Variants in IL1RAPL1 observed in about 807,000 individuals in gnomAD.
The protein encoded by IL1RAPL1 is interleukin-1 receptor accessory protein-like 1.
Under a neutral mutation model 48.4 loss-of-function variants are expected in IL1RAPL1, and 3 were observed. That is an observed-to-expected ratio of 0.06 (90% confidence interval 0.03 to 0.16). IL1RAPL1 has a LOEUF of 0.16. Ranked by LOEUF, IL1RAPL1 falls within the 10% of genes least tolerant of loss-of-function variation. The pLI, the probability that IL1RAPL1 is intolerant of heterozygous loss-of-function variation, is 1.00. For missense variants in IL1RAPL1, 349 were observed against 530.6 expected, an observed-to-expected ratio of 0.66 and a Z score of 3.36; for synonymous variants, 185 against 187.7, an observed-to-expected ratio of 0.99 and a Z score of 0.12.
At chrX:29,934,045 T>G (rs769181574) in intron 8 of IL1RAPL1, among the ~76,000 whole-genome samples, 1 of 103,610 alleles carries the variant, frequency 9.7e-6, no homozygotes, top group East Asian at 3.0e-4. Context: ...ATATGGTAAA[T>G]GAAAAAAAAA....
At chrX:28,939,045 C>A (rs973336266) in intron 2 of IL1RAPL1, among the ~76,000 whole-genome samples, 3 of 109,107 alleles carry the variant, frequency 2.7e-5, no homozygotes, top group African/African-American at 1.0e-4. Flanking sequence ...CAGATGCTGG[C>A]TGGTTGTAGA....
At chrX:28,876,838 G>A (rs2147311909) in intron 2 of IL1RAPL1, among the ~76,000 whole-genome samples, 1 of 110,440 alleles carries the variant, frequency 9.1e-6, no homozygotes, top group South Asian at 3.8e-4. Context: ...TATTCTCTCT[G>A]TCCTTTCACA....
chrX:29,839,585 A>G (rs1394683051), intron 6 of IL1RAPL1, among the ~76,000 whole-genome samples: 1 of 112,054 alleles, frequency 8.9e-6, no homozygotes, highest in Non-Finnish European at 1.9e-5. Context: ...GTATGTTTGC[A>G]TAATATACTT....
intron 3 of IL1RAPL1, among the ~76,000 whole-genome samples, chrX:29,320,089 G>T (rs1932793680): frequency 9.0e-6 from 1 of 111,494 alleles, no homozygotes; most frequent in South Asian, 3.7e-4. Context: ...TTTTGGTGTT[G>T]AGTACAAAGT....
chrX:28,859,130 T>C (rs1407837733), intron 2 of IL1RAPL1, among the ~76,000 whole-genome samples: 2 of 112,339 alleles, frequency 1.8e-5, no homozygotes, highest in African/African-American at 6.5e-5. Flanking sequence ...CAGTGTACCT[T>C]ATAGGTTAGA....
At chrX:29,858,667 G>T (rs748533444) in intron 6 of IL1RAPL1, among the ~76,000 whole-genome samples, 24 of 111,612 alleles carry the variant, frequency 2.2e-4, no homozygotes, top group Non-Finnish European at 4.0e-4. Context: ...AGTGATAATT[G>T]TTTACCCTGG....
intron 1 of IL1RAPL1, among the ~76,000 whole-genome samples, 177 bp downstream of exon 1, chrX:28,588,224 G>A (rs1394537658): frequency 9.4e-6 from 1 of 106,400 alleles, no homozygotes; most frequent in Non-Finnish European, 1.9e-5. Context: ...GTGTGTGTGT[G>A]TGTGTGTGTG....
intron 6 of IL1RAPL1, among the ~76,000 whole-genome samples, chrX:29,679,469 TGCTTATTGTATA>T (rs1380912306): frequency 8.9e-6 from 1 of 111,776 alleles, no homozygotes; most frequent in Non-Finnish European, 1.9e-5. Flanking sequence ...TTATGCACTC[TGCTTATTGTATA>T]GCCTATTTAT....
chrX:29,381,837 T>A (rs1466574167), intron 3 of IL1RAPL1, among the ~76,000 whole-genome samples: 29 of 33,198 alleles, frequency 8.7e-4, no homozygotes, highest in Non-Finnish European at 1.1e-3. Context: ...AAAAAAAATA[T>A]ATATATATAT....
At chrX:29,457,144 A>T (rs746551178) in intron 5 of IL1RAPL1, among the ~76,000 whole-genome samples, 5 of 109,821 alleles carry the variant, frequency 4.6e-5, no homozygotes, top group African/African-American at 1.7e-4. Flanking sequence ...AAAATAAAAT[A>T]AAATGAAATA....
At chrX:29,739,068 C>A (rs2147134330) in intron 6 of IL1RAPL1, among the ~76,000 whole-genome samples, 1 of 111,907 alleles carries the variant, frequency 8.9e-6, no homozygotes, top group South Asian at 3.7e-4. Context: ...CAGAGAAACC[C>A]AATTAGGTAA....
chrX:29,003,900 G>A lies in IL1RAPL1; in HGVS notation c.82+214475G>A, dbSNP rs199518884. Reference sequence around the variant, plus strand: ...CTCACACCTGTAATCCCAGCACTTTGGGCAGCCAAGGCAGCTGGATCACCT... The same window carrying A: ...CTCACACCTGTAATCCCAGCACTTTAGGCAGCCAAGGCAGCTGGATCACCT... On this transcript the variant is annotated intron_variant, in intron 2 of 10. Transcript: ENST00000378993. 8.9e-5 allele frequency among the ~76,000 whole-genome samples: 10 copies of A among 112,169 alleles called. No homozygotes were observed. The East Asian group carries it at 2.2e-3, about 25-fold the overall frequency.
intron 6 of IL1RAPL1, among the ~76,000 whole-genome samples, chrX:29,907,186 A>C (rs1450907744): frequency 9.0e-6 from 1 of 111,427 alleles, no homozygotes; most frequent in Non-Finnish European, 1.9e-5. Context: ...ATGCTATGCT[A>C]AGTGAGTTTT....
At chrX:28,939,950 C>G (rs762778250) in intron 2 of IL1RAPL1, among the ~76,000 whole-genome samples, 2 of 111,115 alleles carry the variant, frequency 1.8e-5, no homozygotes, top group South Asian at 7.5e-4. Flanking sequence ...ATTAATCAGC[C>G]CATCATAACT....
chrX:29,744,782 CAG>C (rs1928291975), intron 6 of IL1RAPL1, among the ~76,000 whole-genome samples: 1 of 111,811 alleles, frequency 8.9e-6, no homozygotes, highest in Non-Finnish European at 1.9e-5. Context: ...TCAAATCTGA[CAG>C]TATTTCTTGA....
intron 5 of IL1RAPL1, among the ~76,000 whole-genome samples, chrX:29,552,307 A>G (rs895771221): frequency 2.7e-5 from 3 of 111,030 alleles, no homozygotes; most frequent in African/African-American, 9.8e-5. Context: ...TTGTCAGTTA[A>G]TTTTCAGCAA....
intron 1 of IL1RAPL1, among the ~76,000 whole-genome samples, chrX:28,600,009 GAC>G (rs980561143): frequency 1.8e-5 from 2 of 111,666 alleles, no homozygotes. Flanking sequence ...ATGTTGGGAA[GAC>G]AGTTACTTGC....
rs1935839283 is a variant in IL1RAPL1 at position 28,737,121 on chromosome X, CCTTCCTTCCTTCCTTCCTTCCTTCCTT to C, written c.-24-52197_-24-52171del. ...TCTTTTCTTTTCTCTTCTTTTCCTT[CCTTCCTTCCTTCCTTCCTTCCTTCCTT>C]CCTTCCTTCCTTCCTTCCTTCCTTC... On this transcript the variant is annotated intron_variant, in intron 1 of 10. Transcript: ENST00000378993. Among the ~76,000 whole-genome samples the C allele has an allele frequency of 3.3e-3, 239 of 71,718 alleles. 6 individuals are homozygous for C. Among genetic ancestry groups the C allele is most frequent in the South Asian group, 0.022 (27 of 1,203 alleles). The allele number at this position is 71,718 out of a possible 115,157, so 62.3% of individuals were successfully genotyped here.
intron 6 of IL1RAPL1, among the ~76,000 whole-genome samples, chrX:29,711,976 G>A (rs1927364167): frequency 9.0e-6 from 1 of 111,056 alleles, no homozygotes; most frequent in Non-Finnish European, 1.9e-5. Flanking sequence ...TGAGGGCCCA[G>A]TACTGATCAA....
Sources: allele counts gnomAD v4.1 joint callset (sites outside exome capture counted in the v4.1 genomes callset), GRCh38; gene constraint gnomAD v4.1.1; transcripts MANE v1.5; gene names NCBI Gene and HGNC (gene_info 2026-07-23, HGNC 2026-07-21).